The following SPATS2 variants were observed in gnomAD, a reference collection of about 807,000 sequenced individuals.
The protein encoded by SPATS2 is spermatogenesis-associated serine-rich protein 2.
SPATS2 carries 38 observed loss-of-function variants against 63.7 expected under a neutral mutation model. The ratio of observed to expected loss-of-function variants is 0.60; its 90% CI spans 0.46 to 0.78. The LOEUF (loss-of-function observed/expected upper bound fraction) is 0.78. Among genes scored for constraint, SPATS2 ranks in the 30% least tolerant of loss-of-function variants. SPATS2 has a pLI of 0.00. For missense variants in SPATS2, 588 were observed against 666.2 expected (o/e 0.88, Z 1.29); for synonymous variants, 207 against 232.9 (o/e 0.89, Z 1.01).
At chr12:49,461,587 A>C (rs558223008) in intron 3 of SPATS2, among the ~76,000 whole-genome samples, 27 of 152,338 alleles carry the variant, frequency 1.8e-4, no homozygotes, top group African/African-American at 6.3e-4. Context: ...CAAAGTGAAC[A>C]ACAGCACTAG....
chr12:49,513,233 GTGTT>G lies in SPATS2; in HGVS notation c.840-1319_840-1316del, dbSNP rs543802975. 8.8e-3 allele frequency among the ~76,000 whole-genome samples: 1,330 copies of G among 151,732 alleles called. 14 individuals are homozygous for G. Among genetic ancestry groups the G allele is most frequent in the Non-Finnish European group, 0.012 (839 of 67,908 alleles). ...AGAGTGTGTGTGTGTGTGTGTGTGT[GTGTT>G]TGAGTGTGATTACAACCAGAAACAA... is the stretch of plus-strand genomic sequence containing the variant. On this transcript the variant is annotated intron_variant, in intron 9 of 13. Coordinates refer to ENST00000552918, the MANE Select transcript of SPATS2 (RefSeq NM_023071.4).
chr12:49,402,171 G>A (rs916769873), intron 2 of SPATS2, among the ~76,000 whole-genome samples: 3 of 152,154 alleles, frequency 2.0e-5, no homozygotes, highest in Non-Finnish European at 2.9e-5. Context: ...GTTGCCTCCC[G>A]AATGTCCTAA....
intron 2 of SPATS2, among the ~76,000 whole-genome samples, chr12:49,410,492 C>T (rs1944779592): frequency 6.6e-6 from 1 of 152,102 alleles, no homozygotes; most frequent in African/African-American, 2.4e-5. Context: ...GATCCTTGCC[C>T]ACATCATACT....
intron 2 of SPATS2, among the ~76,000 whole-genome samples, chr12:49,395,060 G>A (rs1411122618): frequency 1.3e-5 from 2 of 152,080 alleles, no homozygotes; most frequent in Non-Finnish European, 2.9e-5. Flanking sequence ...GCAATAGAGC[G>A]AGACTCTGTC....
At chr12:49,510,123 G>T (rs1449823495) in intron 9 of SPATS2, among the ~76,000 whole-genome samples, 1 of 150,714 alleles carries the variant, frequency 6.6e-6, no homozygotes, top group Non-Finnish European at 1.5e-5. Flanking sequence ...AATTAGCCAA[G>T]TGTGGTAGCA....
chr12:49,417,533 T>G (rs945416034), intron 2 of SPATS2, among the ~76,000 whole-genome samples: 5 of 152,220 alleles, frequency 3.3e-5, no homozygotes, highest in African/African-American at 1.2e-4. Flanking sequence ...TATGTGGTGA[T>G]CTGGCTCTGG....
At chr12:49,418,585 G>GCC (rs1944930726) in intron 2 of SPATS2, among the ~76,000 whole-genome samples, 1 of 152,050 alleles carries the variant, frequency 6.6e-6, no homozygotes, top group Non-Finnish European at 1.5e-5. Flanking sequence ...GCAGGCATGA[G>GCC]CCACCACACC....
intron 2 of SPATS2, among the ~76,000 whole-genome samples, chr12:49,373,507 TG>T (rs1298108529): frequency 6.6e-6 from 1 of 152,196 alleles, no homozygotes; most frequent in Admixed American, 6.5e-5. Context: ...TGTTGGGGGC[TG>T]GGCATGGTGG....
At chr12:49,453,312 A>T (rs1323105454) in intron 2 of SPATS2, among the ~76,000 whole-genome samples, 1 of 152,056 alleles carries the variant, frequency 6.6e-6, no homozygotes, top group Admixed American at 6.6e-5. Context: ...CTTTTTGTTG[A>T]AACTGGACAT....
intron 9 of SPATS2, among the ~76,000 whole-genome samples, chr12:49,503,970 C>T (rs948003414): frequency 6.6e-6 from 1 of 152,194 alleles, no homozygotes; most frequent in Non-Finnish European, 1.5e-5. Flanking sequence ...AGATTACCTG[C>T]CCTTTCCTGC....
At chr12:49,428,128 G>A (rs1945114270) in intron 2 of SPATS2, among the ~76,000 whole-genome samples, 1 of 152,090 alleles carries the variant, frequency 6.6e-6, no homozygotes, top group Non-Finnish European at 1.5e-5. Flanking sequence ...CATGGCAGGC[G>A]CCTGTAGTCC....
At chr12:49,482,964 C>G (rs1946230406) in intron 3 of SPATS2, among the ~76,000 whole-genome samples, 1 of 151,362 alleles carries the variant, frequency 6.6e-6, no homozygotes, top group Non-Finnish European at 1.5e-5. Context: ...AATTTTTCTC[C>G]TTTTTATAGA....
At chr12:49,436,675 G>A (rs1945302845) in intron 2 of SPATS2, among the ~76,000 whole-genome samples, 4 of 130,974 alleles carry the variant, frequency 3.1e-5, no homozygotes, top group Non-Finnish European at 5.0e-5. Flanking sequence ...TTCCCAGTAG[G>A]GGCGGCCGGG....
chr12:49,522,372 ATTGTAGTACC>A (rs1469472251), intron 11 of SPATS2, among the ~76,000 whole-genome samples: 1 of 152,248 alleles, frequency 6.6e-6, no homozygotes, highest in African/African-American at 2.4e-5. Context: ...AAATGGTATC[ATTGTAGTACC>A]TTGTAAAGAT....
At chr12:49,427,065 A>G (rs1823182009) in intron 2 of SPATS2, among the ~76,000 whole-genome samples, 1 of 152,138 alleles carries the variant, frequency 6.6e-6, no homozygotes, top group Non-Finnish European at 1.5e-5. Flanking sequence ...AGATTTTGCT[A>G]AACAGATTTT....
At chr12:49,416,764 C>T (rs181253899) in intron 2 of SPATS2, among the ~76,000 whole-genome samples, 1 of 152,266 alleles carries the variant, frequency 6.6e-6, no homozygotes, top group African/African-American at 2.4e-5. Context: ...GGATTACAGG[C>T]GTGAGCCACT....
At chr12:49,440,255 A>G (rs1231115143) in intron 2 of SPATS2, among the ~76,000 whole-genome samples, 1 of 152,178 alleles carries the variant, frequency 6.6e-6, no homozygotes, top group African/African-American at 2.4e-5. Context: ...CTGAAGAGTC[A>G]AAGTCCAGGA....
intron 2 of SPATS2, among the ~76,000 whole-genome samples, chr12:49,397,916 G>A (rs898836981): frequency 6.7e-5 from 10 of 149,798 alleles, no homozygotes; most frequent in African/African-American, 2.2e-4. Flanking sequence ...GTGGGAGGCC[G>A]AGGTGGGCAG....
chr12:49,377,418 T>C (rs796630074), intron 2 of SPATS2, among the ~76,000 whole-genome samples: 21 of 152,294 alleles, frequency 1.4e-4, no homozygotes, highest in African/African-American at 4.8e-4. Context: ...ATTTGATACT[T>C]TCATCCTGAT....
Sources: allele counts gnomAD v4.1 joint callset (sites outside exome capture counted in the v4.1 genomes callset), GRCh38; gene constraint gnomAD v4.1.1; transcripts MANE v1.5; gene names NCBI Gene and HGNC (gene_info 2026-07-23, HGNC 2026-07-21).